HDAC9: variants seen among roughly 807,000 people sequenced by gnomAD.
HDAC9 encodes the protein MEF-2 interacting transcription repressor (MITR) protein.
Under a neutral mutation model 139.4 loss-of-function variants are expected in HDAC9, and 41 were observed. That is an observed-to-expected ratio of 0.29 (90% CI 0.23 to 0.38). The LOEUF is 0.38. Among genes scored for constraint, HDAC9 ranks in the 10% least tolerant of loss-of-function variants. The pLI is 1.00. For missense variants in HDAC9, 1,147 were observed against 1,297.0 expected (o/e 0.88, Z 1.78); for synonymous variants, 517 against 476.2 (o/e 1.09, Z -1.12).
rs187016569 is a variant in HDAC9, at chr7:18,416,221, G to A, written c.-41-80041G>A. Reference sequence around the variant, plus strand: ...TGAGGCAGGAAAATCGCTTGAACCCGGGAGGCAGAGGTTGCAGTGAGCCGA... The same window carrying A: ...TGAGGCAGGAAAATCGCTTGAACCCAGGAGGCAGAGGTTGCAGTGAGCCGA... On this transcript the variant is annotated intron_variant, in intron 1 of 3. Coordinates refer to the HDAC9 transcript ENST00000413509. Among the ~76,000 whole-genome samples, 520 of 152,002 alleles carry A rather than the reference G, an allele frequency of 3.4e-3. 3 individuals are homozygous for A. The highest frequency in any genetic ancestry group is 0.012 in the African/African-American group (482 of 41,448).
intron 25 of HDAC9, among the ~76,000 whole-genome samples, chr7:18,986,663 G>A (rs1785383048): frequency 6.6e-6 from 1 of 152,098 alleles, no homozygotes; most frequent in Admixed American, 6.6e-5. Context: ...ACCTTGGGCA[G>A]TATGGCCATT....
chr7:18,242,515 C>T lies in HDAC9; in HGVS notation c.25+80166C>T, dbSNP rs1011645389. Reference sequence around the variant, plus strand: ...TGTAATATTTTCTCAGTCAATTTTTCTGGTATTCTTCATTTTCTTTTTGAG... The same window carrying T: ...TGTAATATTTTCTCAGTCAATTTTTTTGGTATTCTTCATTTTCTTTTTGAG... On this transcript the variant is annotated intron_variant, in intron 2 of 12. Transcript: ENST00000417496. Among the ~76,000 whole-genome samples, 20 of 152,228 alleles carry T rather than the reference C, an allele frequency of 1.3e-4. No individual in the cohort carries two copies. The South Asian group carries it at 2.5e-3, about 19-fold the overall frequency.
chr7:18,735,615 C>G (rs1786812082), intron 13 of HDAC9, among the ~76,000 whole-genome samples: 1 of 152,146 alleles, frequency 6.6e-6, no homozygotes, highest in Admixed American at 6.5e-5. Context: ...GGTACCAGTA[C>G]CATGCTGTTT....
intron 2 of HDAC9, among the ~76,000 whole-genome samples, chr7:18,212,636 C>T (rs959321527): frequency 3.9e-5 from 6 of 152,136 alleles, no homozygotes; most frequent in Admixed American, 1.3e-4. Flanking sequence ...TTTCTTGTTA[C>T]GATGTATTTC....
chr7:18,664,872 C>G (rs1050664155), intron 11 of HDAC9, among the ~76,000 whole-genome samples: 8 of 152,106 alleles, frequency 5.3e-5, no homozygotes, highest in African/African-American at 1.9e-4. Flanking sequence ...TCCATGAGGG[C>G]AGAGCAGTGG....
intron 2 of HDAC9, among the ~76,000 whole-genome samples, chr7:18,170,455 C>T (rs1457860192): frequency 6.6e-6 from 1 of 152,062 alleles, no homozygotes; most frequent in Non-Finnish European, 1.5e-5. Context: ...TAATGAGATC[C>T]CATTTGTCTA....
At chr7:18,334,072 C>T (rs1781409645) in intron 1 of HDAC9, among the ~76,000 whole-genome samples, 1 of 151,398 alleles carries the variant, frequency 6.6e-6, no homozygotes, top group African/African-American at 2.4e-5. Flanking sequence ...TTGAGGATTA[C>T]TTCTCAAAAT....
chr7:18,392,587 C>G (rs1399021439), intron 1 of HDAC9, among the ~76,000 whole-genome samples: 2 of 152,094 alleles, frequency 1.3e-5, no homozygotes, highest in African/African-American at 4.8e-5. Flanking sequence ...TTTCTGACAT[C>G]TGCAATCCAA....
intron 1 of HDAC9, among the ~76,000 whole-genome samples, chr7:18,347,297 A>G (rs1303570091): frequency 2.6e-5 from 4 of 152,088 alleles, no homozygotes; most frequent in Non-Finnish European, 5.9e-5. Context: ...CATTAGCAAC[A>G]CTCTTAGTTG....
chr7:18,777,670 A>AT (rs1360431631), intron 16 of HDAC9, among the ~76,000 whole-genome samples: 1 of 151,978 alleles, frequency 6.6e-6, no homozygotes, highest in African/African-American at 2.4e-5. Context: ...ACTTGGCTAA[A>AT]TTTTTTAGGA....
At chr7:18,367,309 C>A (rs1293997635) in intron 1 of HDAC9, among the ~76,000 whole-genome samples, 1 of 152,042 alleles carries the variant, frequency 6.6e-6, no homozygotes, top group Non-Finnish European at 1.5e-5. Context: ...CTAGTCCTTG[C>A]AAGCATGTGG....
chr7:18,914,818 T>G (rs1232669160), intron 22 of HDAC9, among the ~76,000 whole-genome samples: 1 of 152,018 alleles, frequency 6.6e-6, no homozygotes, highest in South Asian at 2.1e-4. Flanking sequence ...GTTAAAGATA[T>G]AGCAGAAAAA....
intron 12 of HDAC9, among the ~76,000 whole-genome samples, chr7:18,708,439 G>A (rs1308122885): frequency 2.0e-5 from 3 of 152,190 alleles, no homozygotes; most frequent in Non-Finnish European, 2.9e-5. Context: ...AATAGACAAA[G>A]CAAATAGTGA....
intron 6 of HDAC9, among the ~76,000 whole-genome samples, chr7:18,618,726 G>GTGTATATATATA (rs71553930): frequency 1.7e-5 from 2 of 120,036 alleles, no homozygotes; most frequent in African/African-American, 5.7e-5. Flanking sequence ...ACAGAATTTT[G>GTGTATATATATA]TATATATATA....
At chr7:18,881,418 T>C (rs1799730396) in intron 22 of HDAC9, among the ~76,000 whole-genome samples, 1 of 152,102 alleles carries the variant, frequency 6.6e-6, no homozygotes, top group Non-Finnish European at 1.5e-5. Context: ...TAAAAGGTCA[T>C]ATATGGGTAT....
intron 25 of HDAC9, among the ~76,000 whole-genome samples, chr7:18,986,786 C>T (rs1303623753): frequency 6.6e-6 from 1 of 152,076 alleles, no homozygotes; most frequent in Non-Finnish European, 1.5e-5. Context: ...AGGTCCTTCA[C>T]ATCCCTTGTA....
At chr7:18,153,468 A>G (rs1786935652) in intron 1 of HDAC9, among the ~76,000 whole-genome samples, 1 of 152,152 alleles carries the variant, frequency 6.6e-6, no homozygotes, top group Non-Finnish European at 1.5e-5. Context: ...TCAGAGGCTG[A>G]AGTGAAGTTA....
intron 1 of HDAC9, among the ~76,000 whole-genome samples, chr7:18,402,147 C>T (rs1021710104): frequency 6.6e-6 from 1 of 152,096 alleles, no homozygotes; most frequent in African/African-American, 2.4e-5. Context: ...GGGGTGGATA[C>T]AATGAAAAAT....
At chr7:18,400,560 G>T (rs754612683) in intron 1 of HDAC9, among the ~76,000 whole-genome samples, 2 of 152,166 alleles carry the variant, frequency 1.3e-5, no homozygotes, top group Non-Finnish European at 2.9e-5. Flanking sequence ...CGGGAGGTAT[G>T]AATGGGAACT....
Sources: gnomAD v4.1 joint callset for allele counts (sites outside exome capture counted in the v4.1 genomes callset) on GRCh38, gnomAD v4.1.1 for gene constraint, MANE v1.5 for transcripts, NCBI Gene and HGNC (gene_info 2026-07-23, HGNC 2026-07-21) for gene names.